TNS3: variants seen among roughly 807,000 people sequenced by gnomAD.
TNS3 encodes the protein tensin-3.
Under a neutral mutation model 140.9 loss-of-function variants are expected in TNS3, and 45 were observed. The observed-to-expected ratio is 0.32, with a 90% CI of 0.25 to 0.41. The LOEUF (loss-of-function observed/expected upper bound fraction) is 0.41. Among genes scored for constraint, TNS3 ranks in the 10% least tolerant of loss-of-function variants. The pLI is 1.00. For synonymous variants in TNS3, 815 were observed against 788.4 expected (o/e 1.03, Z -0.56); for missense variants, 1,716 against 1,906.7 (o/e 0.90, Z 1.86).
In TNS3 at chr7:47,401,573, C is replaced by T. The variant is rs569253491; in HGVS notation, c.724-659G>A. ...TGGGGTTCATGAGGTCCCCAGGGTG[C>T]AGCTCAAGCACCCTAAATGATTGTG... is the stretch of plus-strand genomic sequence containing the variant. On this transcript the variant is annotated intron_variant, in intron 13 of 30. Coordinates refer to ENST00000311160, the MANE Select transcript of TNS3 (RefSeq NM_022748.12). Among the ~76,000 whole-genome samples the T allele has an allele frequency of 2.0e-5, 3 of 152,270 alleles. No individual in the cohort carries two copies. In the South Asian group the frequency reaches 6.2e-4, roughly 32 times the overall value.
intron 4 of TNS3, among the ~76,000 whole-genome samples, chr7:47,458,210 C>T (rs1223499937): frequency 6.6e-6 from 1 of 152,344 alleles, no homozygotes. Context: ...GCTGAGGCCA[C>T]GTCTGCCCAG....
rs114436370 is a variant in TNS3 at position 47,342,049 on chromosome 7, G to A, written c.2650+2706C>T. Reference sequence around the variant, plus strand: ...TGCCCTTCTGTTACTGATTTCTAGTGAGTCCATTGTGGTTGGAGAACATGT... The same window carrying A: ...TGCCCTTCTGTTACTGATTTCTAGTAAGTCCATTGTGGTTGGAGAACATGT... On this transcript the variant is annotated intron_variant, in intron 20 of 30. Transcript: ENST00000311160. Among the ~76,000 whole-genome samples, 873 of 152,170 alleles carry A rather than the reference G, an allele frequency of 5.7e-3. 12 individuals carry two copies. Among genetic ancestry groups the A allele is most frequent in the African/African-American group, 0.02 (811 of 41,528 alleles).
chr7:47,384,792 T>A (rs1046883925), intron 16 of TNS3, among the ~76,000 whole-genome samples: 1 of 152,098 alleles, frequency 6.6e-6, no homozygotes, highest in African/African-American at 2.4e-5. Context: ...GCAACACAGA[T>A]CCATGGTGCT....
intron 4 of TNS3, among the ~76,000 whole-genome samples, chr7:47,454,842 G>A (rs1291564289): frequency 6.6e-6 from 1 of 152,202 alleles, no homozygotes; most frequent in Non-Finnish European, 1.5e-5. Context: ...GCCTTCTCTA[G>A]AAGGTGACAA....
intron 1 of TNS3, among the ~76,000 whole-genome samples, chr7:47,544,989 T>G (rs993338355): frequency 4.6e-5 from 7 of 151,948 alleles, no homozygotes; most frequent in African/African-American, 1.5e-4. Context: ...ATGTTAGGAC[T>G]TACTCTGCCA....
At position 47,293,809 on chromosome 7, in the gene TNS3, T is replaced by C. The variant is rs985147625; in HGVS notation, c.3696A>G (p.Glu1232=). The stretch of plus-strand genomic sequence containing the variant: ...ACTCGATCAAAAAGTGCCGGACGAG[T>C]TCATTGGCCAAATCTCCAGCTGTGG... ...LNKKAGDLAN[E]LVRHFLIECT... The change falls in exon 25 of 31, where the codon GAA becomes GAG. Residue 1232 remains glutamate, a synonymous_variant. Transcript: ENST00000311160. 6.2e-7 allele frequency: 1 copy of C among 1,613,988 alleles called. No individual in the cohort carries two copies. Among genetic ancestry groups the C allele is most frequent in the African/African-American group, 1.3e-5 (1 of 74,882 alleles).
intron 4 of TNS3, among the ~76,000 whole-genome samples, chr7:47,464,145 T>G (rs1796604053): frequency 6.6e-6 from 1 of 152,186 alleles, no homozygotes; most frequent in Non-Finnish European, 1.5e-5. Context: ...AAGTTCAGGC[T>G]GCAGATGCCT....
Position 47,473,028 on chromosome 7 carries a change from A to AG in TNS3, c.-76+8074dup, listed in dbSNP as rs556831019. ...ACGCGCATCCAGCCCTCCCAATCTGAGTGTGATCGCCCACGCAGCCCTCCT... is the reference window on the plus strand; with the variant it reads ...ACGCGCATCCAGCCCTCCCAATCTGAGGTGTGATCGCCCACGCAGCCCTCCT... On this transcript the variant is annotated intron_variant, in intron 4 of 30. Coordinates refer to ENST00000311160, the MANE Select transcript of TNS3 (RefSeq NM_022748.12). Among the ~76,000 whole-genome samples, 238 of 152,134 alleles carry AG rather than the reference A, an allele frequency of 1.6e-3. 2 individuals are homozygous for AG. Among genetic ancestry groups the AG allele is most frequent in the African/African-American group, 5.3e-3 (220 of 41,494 alleles).
intron 20 of TNS3, among the ~76,000 whole-genome samples, chr7:47,342,484 G>A (rs1789076550): frequency 6.6e-6 from 1 of 152,206 alleles, no homozygotes; most frequent in Non-Finnish European, 1.5e-5. Flanking sequence ...AGGAGGTGGA[G>A]GTTCATAGGG....
chr7:47,409,636 C>T lies in TNS3; in HGVS notation c.723+2091G>A, dbSNP rs557476629. 5.3e-5 allele frequency among the ~76,000 whole-genome samples: 8 copies of T among 152,172 alleles called. No homozygotes were observed. The East Asian group carries it at 1.4e-3, about 26-fold the overall frequency. ...GCGGGTGCAAATCCTACCAGCATCG[C>T]CCCCAGCCTCTCTTGGCCTATTCTT... is the stretch of plus-strand genomic sequence containing the variant. On this transcript the variant is annotated intron_variant, in intron 13 of 30. Transcript: ENST00000311160.
At chr7:47,395,975 G>A (rs1388469186) in intron 16 of TNS3, among the ~76,000 whole-genome samples, 5 of 152,214 alleles carry the variant, frequency 3.3e-5, no homozygotes, top group African/African-American at 1.2e-4. Flanking sequence ...CTGGAGTCAT[G>A]GGAAGCTCAG....
chr7:47,532,434 C>A (rs112194798), intron 1 of TNS3, among the ~76,000 whole-genome samples: 2 of 152,128 alleles, frequency 1.3e-5, no homozygotes, highest in African/African-American at 2.4e-5. Flanking sequence ...ATGGAGAGAC[C>A]ACAAGAGACC....
chr7:47,286,661 T>C (rs547668000), intron 27 of TNS3, among the ~76,000 whole-genome samples: 1 of 152,300 alleles, frequency 6.6e-6, no homozygotes, highest in South Asian at 2.1e-4. Flanking sequence ...CATGTGGGAA[T>C]TTGTCCTAAG....
At chr7:47,515,560 T>C (rs73097604) in intron 2 of TNS3, among the ~76,000 whole-genome samples, 1,482 of 65,218 alleles carry the variant, frequency 0.023, 21 homozygotes, top group African/African-American at 0.048. Flanking sequence ...ACCATCACCA[T>C]CATCATCTCC....
At chr7:47,518,905 A>G (rs1798870722) in intron 2 of TNS3, among the ~76,000 whole-genome samples, 1 of 152,208 alleles carries the variant, frequency 6.6e-6, no homozygotes, top group Non-Finnish European at 1.5e-5. Context: ...TTAACCTTTG[A>G]GCCTCTCAGA....
intron 22 of TNS3, 72 bp from the exon 23 acceptor site, chr7:47,302,344 TC>T (rs1295641920): frequency 9.6e-6 from 12 of 1,252,996 alleles, no homozygotes; most frequent in Non-Finnish European, 1.4e-5. Context: ...TCTGCTGTGA[TC>T]CCAGAAGTCC....
chr7:47,518,375 T>C (rs1798850993), intron 2 of TNS3, among the ~76,000 whole-genome samples: 1 of 152,042 alleles, frequency 6.6e-6, no homozygotes, highest in African/African-American at 2.4e-5. Context: ...CTGTTCTCAC[T>C]CTCCTCACAG....
At chr7:47,549,598 T>C (rs1800008506) in intron 1 of TNS3, among the ~76,000 whole-genome samples, 1 of 152,170 alleles carries the variant, frequency 6.6e-6, no homozygotes, top group South Asian at 2.1e-4. Flanking sequence ...CCTCAGGACA[T>C]TGGCACTTGC....
chr7:47,347,071 A>T (rs1451893902), intron 17 of TNS3, among the ~76,000 whole-genome samples: 1 of 152,148 alleles, frequency 6.6e-6, no homozygotes, highest in African/African-American at 2.4e-5. Flanking sequence ...GTTAGGAAAA[A>T]CCTGCTGCCG....
Sources: gnomAD v4.1 joint callset for allele counts (sites outside exome capture counted in the v4.1 genomes callset) on GRCh38, gnomAD v4.1.1 for gene constraint, MANE v1.5 for transcripts, NCBI Gene and HGNC (gene_info 2026-07-23, HGNC 2026-07-21) for gene names.